Variants in MSH3 observed in about 807,000 individuals in gnomAD.
MSH3 encodes the protein mutS homolog 3.
Under a neutral mutation model 123.3 loss-of-function variants are expected in MSH3, and 106 were observed. That is an observed-to-expected ratio of 0.86 (90% confidence interval 0.73 to 1.01). The LOEUF (loss-of-function observed/expected upper bound fraction) is 1.01, where lower values mean the gene tolerates loss of function less well. Among genes scored for constraint, MSH3 ranks in the 50% least tolerant of loss-of-function variants. The probability of loss-of-function intolerance (pLI) is 0.00; values close to 1 mark genes in which losing one functional copy is unlikely to be tolerated. For missense variants in MSH3, 1,459 were observed against 1,347.6 expected (o/e 1.08, Z -1.29); for synonymous variants, 515 against 481.4 (o/e 1.07, Z -0.91).
At chr5:80,836,804 G>GT (rs1176884197) in intron 20 of MSH3, among the ~76,000 whole-genome samples, 1 of 151,884 alleles carries the variant, frequency 6.6e-6, no homozygotes, top group East Asian at 1.9e-4. Context: ...ATTTTGTATT[G>GT]TTTTTTATTT....
At chr5:80,735,148 G>A (rs1743481450) in intron 10 of MSH3, among the ~76,000 whole-genome samples, 1 of 152,024 alleles carries the variant, frequency 6.6e-6, no homozygotes, top group Non-Finnish European at 1.5e-5. Flanking sequence ...CTTTGGGAGG[G>A]TGAGGTGGGC....
intron 8 of MSH3, among the ~76,000 whole-genome samples, chr5:80,689,633 G>A (rs1033726421): frequency 6.6e-6 from 1 of 151,118 alleles, no homozygotes; most frequent in African/African-American, 2.4e-5. Context: ...TGATTGTTTG[G>A]TATGAAGGGT....
At chr5:80,787,783 C>T (rs1744536089) in intron 18 of MSH3, 111 bp downstream of exon 18, 2 of 786,362 alleles carry the variant, frequency 2.5e-6, no homozygotes, top group African/African-American at 1.7e-5. Flanking sequence ...ATGTGTTAGA[C>T]TCTTGGGAAA....
intron 8 of MSH3, among the ~76,000 whole-genome samples, chr5:80,705,298 A>T (rs931282141): frequency 1.3e-5 from 2 of 152,182 alleles, no homozygotes; most frequent in African/African-American, 4.8e-5. Context: ...CATTGGGATT[A>T]CATGTGGATT....
At chr5:80,742,895 T>C (rs1274685516) in intron 11 of MSH3, among the ~76,000 whole-genome samples, 1 of 152,070 alleles carries the variant, frequency 6.6e-6, no homozygotes, top group Non-Finnish European at 1.5e-5. Flanking sequence ...GTTCAAATCC[T>C]ACTACAACAG....
intron 15 of MSH3, among the ~76,000 whole-genome samples, chr5:80,771,420 G>C (rs1224769362): frequency 6.6e-6 from 1 of 151,432 alleles, no homozygotes; most frequent in Non-Finnish European, 1.5e-5. Flanking sequence ...TGAAGTTGCT[G>C]TGACCTGTGA....
intron 21 of MSH3, among the ~76,000 whole-genome samples, chr5:80,860,384 C>T (rs1745995125): frequency 6.6e-6 from 1 of 151,068 alleles, no homozygotes; most frequent in South Asian, 2.1e-4. Flanking sequence ...CTTTATTTCT[C>T]CTTCAGTTTT....
chr5:80,832,616 TAA>T (rs559526687), intron 20 of MSH3, among the ~76,000 whole-genome samples: 12 of 139,562 alleles, frequency 8.6e-5, no homozygotes, highest in Admixed American at 1.4e-4. Flanking sequence ...AAGACTCCAT[TAA>T]AAAAAAAAAA....
chr5:80,693,127 A>C (rs1293952679), intron 8 of MSH3, among the ~76,000 whole-genome samples: 1 of 112,372 alleles, frequency 8.9e-6, no homozygotes, highest in Non-Finnish European at 1.8e-5. Flanking sequence ...ATATAGATAA[A>C]TATACATGCA....
At chr5:80,856,246 A>G (rs1347975080) in intron 21 of MSH3, among the ~76,000 whole-genome samples, 1 of 151,468 alleles carries the variant, frequency 6.6e-6, no homozygotes, top group East Asian at 1.9e-4. Context: ...TTTTGTTTAA[A>G]CATTTATTTA....
intron 6 of MSH3, among the ~76,000 whole-genome samples, chr5:80,673,341 C>T: frequency 6.6e-6 from 1 of 152,048 alleles, no homozygotes; most frequent in Middle Eastern, 3.2e-3. Flanking sequence ...CCAGCCTGGA[C>T]AACATGGCAA....
intron 2 of MSH3, among the ~76,000 whole-genome samples, chr5:80,662,987 C>T (rs945027536): frequency 2.0e-5 from 3 of 152,030 alleles, no homozygotes; most frequent in Admixed American, 6.5e-5. Flanking sequence ...GTATTCCTAA[C>T]GCTTTGAGAG....
At chr5:80,838,304 T>G (rs748383676) in intron 20 of MSH3, among the ~76,000 whole-genome samples, 1 of 152,084 alleles carries the variant, frequency 6.6e-6, no homozygotes, top group Admixed American at 6.5e-5. Context: ...GTGAGCAGAG[T>G]GTAGACTCTG....
At chr5:80,808,873 A>ATCTATATATATATCTATATATATATC (rs1554074172) in intron 19 of MSH3, among the ~76,000 whole-genome samples, 3,175 of 137,012 alleles carry the variant, frequency 0.023, 151 homozygotes, top group South Asian at 0.15. Context: ...ATATATATAT[A>ATCTATATATATATCTATATATATATC]TATATATATA....
intron 19 of MSH3, among the ~76,000 whole-genome samples, chr5:80,794,115 G>C (rs1215060204): frequency 6.6e-6 from 1 of 152,182 alleles, no homozygotes; most frequent in Non-Finnish European, 1.5e-5. Context: ...CAGCTCTCTG[G>C]TCCTTAAGAA....
At chr5:80,831,450 C>T (rs1409295401) in intron 20 of MSH3, among the ~76,000 whole-genome samples, 2 of 151,992 alleles carry the variant, frequency 1.3e-5, no homozygotes, top group African/African-American at 4.8e-5. Context: ...CATTCCATTT[C>T]TGAGTTATTG....
At chr5:80,805,446 A>G (rs1314450185) in intron 19 of MSH3, among the ~76,000 whole-genome samples, 1 of 152,226 alleles carries the variant, frequency 6.6e-6, no homozygotes, top group Non-Finnish European at 1.5e-5. Context: ...GAATTTATTC[A>G]TTAGAAAATT....
chr5:80,867,834 T>G (rs192160281), intron 22 of MSH3, among the ~76,000 whole-genome samples: 1 of 152,320 alleles, frequency 6.6e-6, no homozygotes, highest in East Asian at 1.9e-4. Flanking sequence ...CTTTGTCAGA[T>G]GCATAGTTTG....
intron 20 of MSH3, among the ~76,000 whole-genome samples, chr5:80,818,935 C>A (rs1330520553): frequency 6.6e-6 from 1 of 152,150 alleles, no homozygotes. Flanking sequence ...GAGATAAGAT[C>A]CCTCGTGTAG....
Sources: allele counts gnomAD v4.1 joint callset (sites outside exome capture counted in the v4.1 genomes callset), GRCh38; gene constraint gnomAD v4.1.1; transcripts MANE v1.5; gene names NCBI Gene and HGNC (gene_info 2026-07-23, HGNC 2026-07-21).